Variants in CCDC171 observed in about 807,000 individuals in gnomAD.
CCDC171 encodes coiled-coil domain-containing protein 171.
A neutral mutation model predicts 168.2 loss-of-function variants in CCDC171; 177 were observed. The observed-to-expected ratio is 1.05, with a 90% CI of 0.93 to 1.19. The LOEUF is 1.19. CCDC171 is among the 50% of genes most tolerant of loss of function. The probability of loss-of-function intolerance (pLI) is 0.00; values close to 1 mark genes in which losing one functional copy is unlikely to be tolerated. For missense variants in CCDC171, 1,991 were observed against 1,539.0 expected, an observed-to-expected ratio of 1.29 and a Z score of -4.91; for synonymous variants, 687 against 540.8, an observed-to-expected ratio of 1.27 and a Z score of -3.75.
chr9:15,689,380 T>C lies in CCDC171; in HGVS notation c.1216-5855T>C, dbSNP rs115477209. ...CACCAATGAACTTTTAGTTGTCTTT[T>C]TGCAGAAATTGACAAGCAGATCCTA... is the stretch of plus-strand genomic sequence containing the variant. On this transcript the variant is annotated intron_variant, in intron 10 of 25. Coordinates refer to ENST00000380701, the MANE Select transcript of CCDC171 (RefSeq NM_173550.4). Among the ~76,000 whole-genome samples the C allele has an allele frequency of 2.6e-3, 401 of 152,250 alleles. 1 individual carries two copies. The highest frequency in any genetic ancestry group is 9.4e-3 in the African/African-American group (392 of 41,534).
chr9:15,756,754 G>C (rs1251678684), intron 18 of CCDC171, among the ~76,000 whole-genome samples: 1 of 152,216 alleles, frequency 6.6e-6, no homozygotes. Context: ...TGTTGTGGGA[G>C]AGACCTGGTG....
At chr9:15,804,194 CCT>C (rs1177629378) in intron 21 of CCDC171, among the ~76,000 whole-genome samples, 7 of 152,058 alleles carry the variant, frequency 4.6e-5, no homozygotes, top group African/African-American at 1.5e-4. Flanking sequence ...AGTTTGACTT[CCT>C]CTCTTTCTAT....
chr9:15,660,020 C>G (rs371015648), intron 8 of CCDC171, among the ~76,000 whole-genome samples: 1 of 152,114 alleles, frequency 6.6e-6, no homozygotes, highest in African/African-American at 2.4e-5. Flanking sequence ...AAGACTTACA[C>G]TTTTTTCCTA....
chr9:15,884,814 G>C (rs1350636069), intron 24 of CCDC171, among the ~76,000 whole-genome samples: 1 of 152,146 alleles, frequency 6.6e-6, no homozygotes, highest in Non-Finnish European at 1.5e-5. Context: ...ATTAAAAAAT[G>C]CTATATTAGT....
Position 16,004,807 on chromosome 9 carries a change from C to T in CCDC171, n.369-15782C>T, listed in dbSNP as rs145946192. Among the ~76,000 whole-genome samples, 685 of 152,212 alleles carry T rather than the reference C, an allele frequency of 4.5e-3. 7 individuals carry two copies. The highest frequency in any genetic ancestry group is 7.4e-3 in the Non-Finnish European group (500 of 68,012). On this transcript the variant is annotated intron_variant and non_coding_transcript_variant, in intron 3 of 9. Coordinates refer to the CCDC171 transcript ENST00000486641. ...TAGTCCTGAAGGAGAGCGATCAGCC[C>T]TTGAGGGTTGTTTGAAGTTAAGAGT... is the stretch of plus-strand genomic sequence containing the variant.
intron 1 of CCDC171, among the ~76,000 whole-genome samples, chr9:16,049,340 C>T (rs1221459430): frequency 6.6e-6 from 1 of 152,060 alleles, no homozygotes; most frequent in Non-Finnish European, 1.5e-5. Context: ...TAAGGAATAC[C>T]TAAAAACCTG....
intron 25 of CCDC171, among the ~76,000 whole-genome samples, chr9:15,969,878 C>G (rs1436730317): frequency 6.6e-6 from 1 of 152,132 alleles, no homozygotes; most frequent in African/African-American, 2.4e-5. Flanking sequence ...CACCTCTAGC[C>G]TCTGATGTAA....
intron 4 of CCDC171, among the ~76,000 whole-genome samples, chr9:15,581,220 C>T (rs921677570): frequency 6.6e-6 from 1 of 152,130 alleles, no homozygotes; most frequent in South Asian, 2.1e-4. Flanking sequence ...AATCAACTTA[C>T]AAGGGATGTG....
chr9:15,864,254 G>C (rs2061677112), intron 23 of CCDC171, among the ~76,000 whole-genome samples: 1 of 151,908 alleles, frequency 6.6e-6, no homozygotes, highest in South Asian at 2.1e-4. Context: ...ATATACTTTT[G>C]TTTTTTAATA....
At chr9:15,908,277 T>C (rs1823030750) in intron 24 of CCDC171, among the ~76,000 whole-genome samples, 1 of 152,166 alleles carries the variant, frequency 6.6e-6, no homozygotes, top group African/African-American at 2.4e-5. Flanking sequence ...CATGATAGAC[T>C]GGATTAAGAA....
chr9:15,563,682 A>C (rs2039496207), intron 1 of CCDC171, among the ~76,000 whole-genome samples: 1 of 152,092 alleles, frequency 6.6e-6, no homozygotes. Context: ...CCAAAATTTC[A>C]ACCTCTGTCC....
rs143366773 is a variant in CCDC171 at position 15,760,435 on chromosome 9, A to G, written c.2671+14804A>G. Among the ~76,000 whole-genome samples, 86 of 152,256 alleles carry G rather than the reference A, an allele frequency of 5.6e-4. 1 individual carries two copies. Among genetic ancestry groups the G allele is most frequent in the African/African-American group, 1.9e-3 (79 of 41,546 alleles). ...ATATACATTAAAGTATTGGTTAAGA[A>G]CTTGGACTCTAGATTTGAATCTGGG... On this transcript the variant is annotated intron_variant, in intron 18 of 25. Coordinates refer to ENST00000380701, the MANE Select transcript of CCDC171 (RefSeq NM_173550.4).
chr9:15,872,227 GT>G (rs571882567), intron 23 of CCDC171, among the ~76,000 whole-genome samples: 267 of 151,882 alleles, frequency 1.8e-3, no homozygotes, highest in African/African-American at 5.8e-3. Context: ...CATTTTGCAA[GT>G]TTTTTTTATT....
intron 16 of CCDC171, among the ~76,000 whole-genome samples, chr9:15,736,831 A>C (rs1156521543): frequency 1.3e-5 from 2 of 152,086 alleles, no homozygotes; most frequent in Non-Finnish European, 2.9e-5. Flanking sequence ...ATGCACCGCC[A>C]CACCTGGCTA....
At chr9:15,988,341 C>G (rs955816889) in intron 3 of CCDC171, among the ~76,000 whole-genome samples, 1 of 152,178 alleles carries the variant, frequency 6.6e-6, no homozygotes, top group African/African-American at 2.4e-5. Context: ...CAAGGGATGA[C>G]TAGCCATTAT....
intron 23 of CCDC171, among the ~76,000 whole-genome samples, chr9:15,873,341 T>C (rs1817431917): frequency 6.6e-6 from 1 of 152,096 alleles, no homozygotes; most frequent in East Asian, 1.9e-4. Flanking sequence ...AAATTTTCTA[T>C]CTTGTATTTT....
chr9:15,668,456 A>G (rs1587849244), intron 9 of CCDC171, among the ~76,000 whole-genome samples: 1 of 152,332 alleles, frequency 6.6e-6, no homozygotes, highest in South Asian at 2.1e-4. Context: ...AACATTAGTT[A>G]CATATTCCAA....
intron 8 of CCDC171, among the ~76,000 whole-genome samples, chr9:15,661,148 C>T (rs920711824): frequency 6.6e-6 from 1 of 151,936 alleles, no homozygotes; most frequent in Non-Finnish European, 1.5e-5. Flanking sequence ...GGCGTCGTGG[C>T]GGGCGCCTGT....
intron 25 of CCDC171, among the ~76,000 whole-genome samples, chr9:15,953,507 C>T (rs889757688): frequency 6.6e-6 from 1 of 152,124 alleles, no homozygotes; most frequent in Non-Finnish European, 1.5e-5. Flanking sequence ...GTTGAGCTCT[C>T]CTTGCATCCT....
Sources: allele counts gnomAD v4.1 joint callset (sites outside exome capture counted in the v4.1 genomes callset), GRCh38; gene constraint gnomAD v4.1.1; transcripts MANE v1.5; gene names NCBI Gene and HGNC (gene_info 2026-07-23, HGNC 2026-07-21).